Variants in DPP10 observed in about 807,000 individuals in gnomAD.
The protein encoded by DPP10 is dipeptidyl peptidase like 10.
DPP10 carries 33 observed loss-of-function variants against 120.9 expected under a neutral mutation model. The ratio of observed to expected loss-of-function variants is 0.27; its 90% CI spans 0.21 to 0.37. The LOEUF is 0.37. Among genes scored for constraint, DPP10 ranks in the 10% least tolerant of loss-of-function variants. The pLI, the probability that DPP10 is intolerant of heterozygous loss-of-function variation, is 1.00. For missense variants in DPP10, 816 were observed against 942.8 expected (o/e 0.87, Z 1.76); for synonymous variants, 337 against 326.1 (o/e 1.03, Z -0.36).
intron 3 of DPP10, among the ~76,000 whole-genome samples, chr2:115,471,422 C>T (rs529373995): frequency 3.7e-4 from 57 of 152,222 alleles, no homozygotes; most frequent in South Asian, 8.3e-4. Flanking sequence ...CCTAATTCCA[C>T]GAATTCCTTA....
intron 3 of DPP10, among the ~76,000 whole-genome samples, chr2:115,414,372 A>G (rs1574767869): frequency 6.6e-6 from 1 of 152,160 alleles, no homozygotes; most frequent in Non-Finnish European, 1.5e-5. Flanking sequence ...AGTTTCCGCC[A>G]TGCTCTGAGG....
chr2:115,372,452 G>A (rs1385014437), intron 3 of DPP10, among the ~76,000 whole-genome samples: 1 of 152,090 alleles, frequency 6.6e-6, no homozygotes, highest in Non-Finnish European at 1.5e-5. Flanking sequence ...ATTTCAATAA[G>A]CATTAAAATG....
intron 4 of DPP10, among the ~76,000 whole-genome samples, chr2:115,500,407 T>TA (rs903012966): frequency 3.3e-5 from 5 of 151,768 alleles, no homozygotes; most frequent in African/African-American, 4.8e-5. Flanking sequence ...CTCCACAAAA[T>TA]AAAAAAATAA....
chr2:115,358,727 A>T (rs139491759), intron 3 of DPP10, among the ~76,000 whole-genome samples: 1 of 152,272 alleles, frequency 6.6e-6, no homozygotes, highest in African/African-American at 2.4e-5. Flanking sequence ...ATTTATAAAG[A>T]AAAGAGGTTT....
chr2:115,433,304 A>G (rs1006455422), intron 3 of DPP10, among the ~76,000 whole-genome samples: 9 of 152,050 alleles, frequency 5.9e-5, no homozygotes, highest in African/African-American at 1.2e-4. Flanking sequence ...TGGGTGTTCT[A>G]TATATTTACA....
At chr2:114,539,416 A>G (rs1686780085) in intron 1 of DPP10, among the ~76,000 whole-genome samples, 1 of 152,126 alleles carries the variant, frequency 6.6e-6, no homozygotes, top group Non-Finnish European at 1.5e-5. Context: ...GATAAAAGAC[A>G]AGCCACTGTG....
intron 1 of DPP10, among the ~76,000 whole-genome samples, chr2:114,576,084 C>G (rs933150663): frequency 3.9e-5 from 6 of 152,068 alleles, no homozygotes; most frequent in African/African-American, 1.4e-4. Flanking sequence ...TGCTGGTTAC[C>G]CCCAATGTAG....
Position 115,536,695 on chromosome 2 carries a change from C to CA in DPP10, c.441+10726dup, listed in dbSNP as rs2078867479. On this transcript the variant is annotated intron_variant, in intron 5 of 25. Transcript: ENST00000410059. ...GAATGCTTTTTCTAAGGTAAATGAACAAACATAAACAACAAAATTATTTAT... is the reference window on the plus strand; with the variant it reads ...GAATGCTTTTTCTAAGGTAAATGAACAAAACATAAACAACAAAATTATTTAT... 4.6e-5 allele frequency among the ~76,000 whole-genome samples: 7 copies of CA among 151,982 alleles called. No homozygotes were observed. The South Asian group carries it at 1.4e-3, about 31-fold the overall frequency.
intron 1 of DPP10, among the ~76,000 whole-genome samples, chr2:114,862,754 T>C: frequency 6.6e-6 from 1 of 152,124 alleles, no homozygotes; most frequent in East Asian, 1.9e-4. Flanking sequence ...AGAAGCAATG[T>C]AGTAGAAGCA....
At chr2:115,411,783 TTTCC>T (rs1335270662) in intron 3 of DPP10, among the ~76,000 whole-genome samples, 1 of 152,212 alleles carries the variant, frequency 6.6e-6, no homozygotes, top group Non-Finnish European at 1.5e-5. Flanking sequence ...CTTGGGCAAG[TTTCC>T]TGCGATTATA....
intron 1 of DPP10, among the ~76,000 whole-genome samples, chr2:115,079,431 C>CAGAA (rs1559068479): frequency 2.0e-5 from 3 of 151,670 alleles, no homozygotes; most frequent in Admixed American, 2.0e-4. Flanking sequence ...GGATGACAGA[C>CAGAA]AAACTAGGAC....
At chr2:115,463,566 A>G (rs923607971) in intron 3 of DPP10, among the ~76,000 whole-genome samples, 1 of 152,182 alleles carries the variant, frequency 6.6e-6, no homozygotes, top group Non-Finnish European at 1.5e-5. Context: ...AAAATTGTCT[A>G]TCCTTCACCT....
rs983750312 is a variant in DPP10 at position 115,166,592 on chromosome 2, G to A, written c.61-142647G>A. The stretch of plus-strand genomic sequence containing the variant: ...TTATAATATAAATATTATATATAAG[G>A]CATTTTGTTTATTAAGAACATACAA... On this transcript the variant is annotated intron_variant, in intron 1 of 25. Transcript: ENST00000410059. Among the ~76,000 whole-genome samples, 8 of 112,780 alleles carry A rather than the reference G, an allele frequency of 7.1e-5. No individual in the cohort carries two copies. In the East Asian group the frequency reaches 1.6e-3, roughly 23 times the overall value. The allele number at this position is 112,780 out of a possible 152,430, so 74.0% of individuals were successfully genotyped here. A position where few individuals can be genotyped will look rare whatever the true frequency, so the allele number is the denominator to read the frequency against.
intron 1 of DPP10, among the ~76,000 whole-genome samples, chr2:115,217,621 A>G (rs2056908725): frequency 6.6e-6 from 1 of 152,080 alleles, no homozygotes; most frequent in African/African-American, 2.4e-5. Context: ...TGCCAGATAC[A>G]CATATGATCT....
chr2:114,610,252 G>A (rs1319638833), intron 1 of DPP10, among the ~76,000 whole-genome samples: 2 of 152,146 alleles, frequency 1.3e-5, no homozygotes, highest in South Asian at 2.1e-4. Flanking sequence ...AAGAGGTGGG[G>A]TTATAAACCC....
At chr2:115,388,752 G>T (rs1356289975) in intron 3 of DPP10, among the ~76,000 whole-genome samples, 1 of 152,112 alleles carries the variant, frequency 6.6e-6, no homozygotes, top group Non-Finnish European at 1.5e-5. Context: ...CATATTCAGT[G>T]CTCAGTGCAT....
At chr2:115,392,502 A>C (rs2067386947) in intron 3 of DPP10, among the ~76,000 whole-genome samples, 1 of 152,178 alleles carries the variant, frequency 6.6e-6, no homozygotes, top group African/African-American at 2.4e-5. Context: ...ACGTGTATAC[A>C]TAATTACACT....
chr2:115,148,664 T>G (rs1460129486), intron 1 of DPP10, among the ~76,000 whole-genome samples: 1 of 152,210 alleles, frequency 6.6e-6, no homozygotes, highest in Non-Finnish European at 1.5e-5. Flanking sequence ...GAGTGTTTAC[T>G]AAGAGACAAG....
At chr2:115,350,727 A>G (rs1244321347) in intron 3 of DPP10, among the ~76,000 whole-genome samples, 1 of 152,120 alleles carries the variant, frequency 6.6e-6, no homozygotes, top group African/African-American at 2.4e-5. Flanking sequence ...TTCTTTCCCA[A>G]TAGATTGAGA....
Sources: allele counts gnomAD v4.1 joint callset (sites outside exome capture counted in the v4.1 genomes callset), GRCh38; gene constraint gnomAD v4.1.1; transcripts MANE v1.5; gene names NCBI Gene and HGNC (gene_info 2026-07-23, HGNC 2026-07-21).